TOX3: variants seen among roughly 807,000 people sequenced by gnomAD.
TOX3 encodes CAG trinucleotide repeat-containing gene F9 protein.
In TOX3, 22 loss-of-function variants were observed where a neutral mutation model predicts 64.3. That is an observed-to-expected ratio of 0.34 (90% confidence interval 0.24 to 0.49). TOX3 has a LOEUF of 0.49. TOX3 is among the 20% of genes least tolerant of loss of function. The probability of loss-of-function intolerance (pLI) is 0.99; values close to 1 mark genes in which losing one functional copy is unlikely to be tolerated. For synonymous variants in TOX3, 291 were observed against 273.6 expected, an observed-to-expected ratio of 1.06 and a Z score of -0.63; for missense variants, 661 against 714.4, an observed-to-expected ratio of 0.93 and a Z score of 0.85.
chr16:52,479,664 A>G (rs1056094196), intron 1 of TOX3, among the ~76,000 whole-genome samples: 23 of 152,220 alleles, frequency 1.5e-4, no homozygotes, highest in Admixed American at 6.5e-4. Flanking sequence ...CAGATGGAAA[A>G]GGTGGTTACT....
intron 1 of TOX3, among the ~76,000 whole-genome samples, chr16:52,525,332 A>T (rs995388197): frequency 6.6e-6 from 1 of 152,170 alleles, no homozygotes; most frequent in African/African-American, 2.4e-5. Context: ...AATGGAAGAA[A>T]ACCTTATGTG....
intron 1 of TOX3, among the ~76,000 whole-genome samples, chr16:52,518,177 T>C (rs958619145): frequency 6.6e-6 from 1 of 152,198 alleles, no homozygotes; most frequent in East Asian, 1.9e-4. Flanking sequence ...TTTGAAGAAC[T>C]GAAATTGATA....
rs1000682430 is a variant in TOX3, at chr16:52,439,919, G to T, written c.1037C>A (p.Thr346Asn). 1.0e-5 allele frequency: 16 copies of T among 1,604,860 alleles called. No individual in the cohort carries two copies. Among genetic ancestry groups the T allele is most frequent in the Admixed American group, 1.7e-5 (1 of 59,600 alleles). Residue 346 changes from threonine to asparagine, a missense_variant, in exon 7 of 7, where the codon ACC (threonine) becomes AAC (asparagine). Thr to Asn is a moderately conservative substitution (Grantham distance 65). Around this residue, in one of 3 missense-constraint regions of TOX3, gnomAD observed 299 missense variants for 292.1 expected, o/e 1.02. Transcript: ENST00000219746. ...GGATGTTAGATTGGTCGACGCCAGG[G>T]TCTGCTGAACAGAACGGATGGTCTG... is the stretch of plus-strand genomic sequence containing the variant. ...EAQTIRSVQQ[T>N]LASTNLTSSL...
At chr16:52,463,665 C>T (rs1391145131) in intron 3 of TOX3, among the ~76,000 whole-genome samples, 1 of 152,174 alleles carries the variant, frequency 6.6e-6, no homozygotes, top group Non-Finnish European at 1.5e-5. Flanking sequence ...GGAAGATTGG[C>T]TACTTCCAAA....
chr16:52,506,042 G>T (rs1274564605), intron 1 of TOX3, among the ~76,000 whole-genome samples: 1 of 152,166 alleles, frequency 6.6e-6, no homozygotes, highest in Admixed American at 6.5e-5. Flanking sequence ...ATTCAATGAT[G>T]AATTTTATGA....
chr16:52,463,141 G>GT lies in TOX3; in HGVS notation c.408+792dup, dbSNP rs1305132195. 3.3e-5 allele frequency among the ~76,000 whole-genome samples: 5 copies of GT among 151,876 alleles called. No homozygotes were observed. In the Middle Eastern group the frequency reaches 0.01, roughly 310 times the overall value. On this transcript the variant is annotated intron_variant, in intron 3 of 6. Transcript: ENST00000219746. ...AACACATCTGTTTCATTTTATCAGG[G>GT]TTTTTTAAAAAAAAGCTCTATAAAC...
intron 1 of TOX3, among the ~76,000 whole-genome samples, chr16:52,520,460 T>C (rs757902663): frequency 6.6e-6 from 1 of 152,332 alleles, no homozygotes; most frequent in South Asian, 2.1e-4. Context: ...GTTAATAGAC[T>C]CATGTTCAAT....
At chr16:52,485,085 ATGTG>A (rs1187344683) in intron 1 of TOX3, among the ~76,000 whole-genome samples, 1 of 150,066 alleles carries the variant, frequency 6.7e-6, no homozygotes, top group East Asian at 2.0e-4. Flanking sequence ...ATATACATGT[ATGTG>A]TGTGTATATA....
rs1425662404 is a variant in TOX3 at position 52,440,748 on chromosome 16, C to CTTTTTTTTTTTTTTTTTTTTTT, written c.988-781_988-780insAAAAAAAAAAAAAAAAAAAAAA. On this transcript the variant is annotated intron_variant, in intron 6 of 6. Coordinates refer to ENST00000219746, the MANE Select transcript of TOX3 (RefSeq NM_001080430.4). ...ATTGGGTTATATGGTATTTTTCTTT[C>CTTTTTTTTTTTTTTTTTTTTTT]TTTCTTTTTTTTTTTTTTTTTTTTT... 3.4e-5 allele frequency among the ~76,000 whole-genome samples: 3 copies of CTTTTTTTTTTTTTTTTTTTTTT among 89,456 alleles called. 1 individual carries two copies. 58.7% of individuals were successfully genotyped at this position (89,456 alleles called of 152,430 possible). A position where few individuals can be genotyped will look rare whatever the true frequency, so the allele number is the denominator to read the frequency against.
intron 1 of TOX3, among the ~76,000 whole-genome samples, chr16:52,545,942 G>A (rs1334075452): frequency 6.6e-6 from 1 of 152,146 alleles, no homozygotes; most frequent in Non-Finnish European, 1.5e-5. Context: ...CCCAGGGTGT[G>A]GTGTGGAGGT....
chr16:52,455,460 A>G (rs1465548331), intron 3 of TOX3, among the ~76,000 whole-genome samples: 1 of 152,174 alleles, frequency 6.6e-6, no homozygotes. Context: ...ACTGTATTAG[A>G]CAAATATCAT....
At chr16:52,519,760 C>T (rs1427341839) in intron 1 of TOX3, among the ~76,000 whole-genome samples, 1 of 151,764 alleles carries the variant, frequency 6.6e-6, no homozygotes, top group Non-Finnish European at 1.5e-5. Flanking sequence ...GAGTTCAAGA[C>T]CAACTTGGGC....
intron 1 of TOX3, among the ~76,000 whole-genome samples, chr16:52,489,868 A>G (rs963685499): frequency 3.3e-5 from 5 of 151,866 alleles, no homozygotes; most frequent in African/African-American, 9.7e-5. Flanking sequence ...TCATTCAACT[A>G]CACCAACCAC....
chr16:52,436,876 A>G lies in TOX3; in HGVS notation c.*2349T>C, dbSNP rs1164155493. 1.3e-5 allele frequency: 2 copies of G among 152,254 alleles called. No homozygotes were observed. Among genetic ancestry groups the G allele is most frequent in the African/African-American group, 4.8e-5 (2 of 41,470 alleles). 9.4% of individuals were successfully genotyped at this position (152,254 alleles called of 1,614,324 possible). A position where few individuals can be genotyped will look rare whatever the true frequency, so the allele number is the denominator to read the frequency against. ...CAATACTTCATGGGTTTTCAAAATGACAATTACAGAACTAATACACAATTA... is the reference window on the plus strand; with the variant it reads ...CAATACTTCATGGGTTTTCAAAATGGCAATTACAGAACTAATACACAATTA... On this transcript the variant is annotated 3_prime_UTR_variant, in exon 7 of 7. Transcript: ENST00000219746.
chr16:52,518,953 G>A (rs1450797459), intron 1 of TOX3, among the ~76,000 whole-genome samples: 1 of 152,186 alleles, frequency 6.6e-6, no homozygotes, highest in African/African-American at 2.4e-5. Context: ...ACACTTGAGT[G>A]TAAACACCAA....
rs1270381518 is a variant in TOX3, at chr16:52,529,359, AT to A, written c.87+17277del. On this transcript the variant is annotated intron_variant, in intron 1 of 6. Coordinates refer to ENST00000219746, the MANE Select transcript of TOX3 (RefSeq NM_001080430.4). ...TTACAATATTGACATAGTAGGCTTT[AT>A]TTTTTTTTAAATGTGGAAATTTCCC... 1.3e-4 allele frequency among the ~76,000 whole-genome samples: 19 copies of A among 151,554 alleles called. No homozygotes were observed. The East Asian group carries it at 3.3e-3, about 26-fold the overall frequency.
chr16:52,455,722 G>GTTT (rs751094926), intron 3 of TOX3, among the ~76,000 whole-genome samples: 1 of 152,290 alleles, frequency 6.6e-6, no homozygotes, highest in Non-Finnish European at 1.5e-5. Flanking sequence ...GTGAAGTGAA[G>GTTT]GGAAAAGCAT....
chr16:52,450,185 A>T (rs564788814), intron 4 of TOX3, 92 bp downstream of exon 4: 1 of 1,468,900 alleles, frequency 6.8e-7, no homozygotes, highest in African/African-American at 1.4e-5. Context: ...ATCCATGAAG[A>T]CAAACAAGAT....
At chr16:52,540,008 G>A (rs1036554682) in intron 1 of TOX3, among the ~76,000 whole-genome samples, 7 of 151,872 alleles carry the variant, frequency 4.6e-5, no homozygotes, top group East Asian at 1.9e-4. Flanking sequence ...TACTCTTGCC[G>A]GGGCCTACAC....
Sources: allele counts gnomAD v4.1 joint callset (sites outside exome capture counted in the v4.1 genomes callset), GRCh38; gene constraint gnomAD v4.1.1; regional missense constraint gnomAD v4.1.1; transcripts MANE v1.5; gene names NCBI Gene and HGNC (gene_info 2026-07-23, HGNC 2026-07-21).